The following RBPJ variants were observed in gnomAD, a reference collection of about 807,000 sequenced individuals.
RBPJ encodes recombining binding protein suppressor of hairless.
RBPJ carries 9 observed loss-of-function variants against 67.8 expected under a neutral mutation model. That is an observed-to-expected ratio of 0.13 (90% CI 0.08 to 0.23). The LOEUF is 0.23. Ranked by LOEUF, RBPJ falls within the 10% of genes least tolerant of loss-of-function variation. The pLI, the probability that RBPJ is intolerant of heterozygous loss-of-function variation, is 1.00. For missense variants in RBPJ, 305 were observed against 595.6 expected, an observed-to-expected ratio of 0.51 and a Z score of 5.08; for synonymous variants, 198 against 203.3, an observed-to-expected ratio of 0.97 and a Z score of 0.22.
chr4:26,115,271 C>T, the RBPJ span, among the ~76,000 whole-genome samples: 2 of 152,208 alleles, frequency 1.3e-5, no homozygotes, highest in Admixed American at 6.5e-5. Context: ...TCGTCATTAC[C>T]GCTGAACTGC....
At chr4:26,241,211 A>AT (rs1719626484) in intron 1 of RBPJ, among the ~76,000 whole-genome samples, 1 of 151,670 alleles carries the variant, frequency 6.6e-6, no homozygotes, top group Non-Finnish European at 1.5e-5. Context: ...AATAAAAAAA[A>AT]AAAAAAAAAA....
At chr4:26,211,845 A>G (rs1224380580) in intron 1 of RBPJ, among the ~76,000 whole-genome samples, 1 of 152,210 alleles carries the variant, frequency 6.6e-6, no homozygotes, top group Non-Finnish European at 1.5e-5. Flanking sequence ...TAATTAGTTA[A>G]GATGAGATCA....
chr4:26,289,163 G>C lies in RBPJ; in HGVS notation c.-166-73283G>C, dbSNP rs113470560. The stretch of plus-strand genomic sequence containing the variant: ...TGTAATCCCAGCACTTTGGGAGGCC[G>C]AGGTGGACAGATCACTAGAGGTCAG... On this transcript the variant is annotated intron_variant, in intron 1 of 4. Coordinates refer to the RBPJ transcript ENST00000512351. Among the ~76,000 whole-genome samples the C allele has an allele frequency of 5.4e-4, 81 of 150,352 alleles. 2 individuals are homozygous for C. Among genetic ancestry groups the C allele is most frequent in the African/African-American group, 1.9e-3 (76 of 40,846 alleles).
At chr4:26,129,578 A>G in the RBPJ span, among the ~76,000 whole-genome samples, 1 of 152,212 alleles carries the variant, frequency 6.6e-6, no homozygotes, top group Non-Finnish European at 1.5e-5. Flanking sequence ...TGAAAAACCA[A>G]TGAGTTTTTA....
chr4:26,360,241 G>T (rs563892748), intron 1 of RBPJ, among the ~76,000 whole-genome samples: 3 of 152,034 alleles, frequency 2.0e-5, no homozygotes, highest in Admixed American at 6.6e-5. Context: ...ATCATTTAGC[G>T]GTGAATGTGT....
intron 1 of RBPJ, among the ~76,000 whole-genome samples, chr4:26,359,519 T>A (rs996300084): frequency 1.3e-5 from 2 of 151,614 alleles, no homozygotes; most frequent in Non-Finnish European, 2.9e-5. Context: ...GGGTGGGGGT[T>A]CCCTTGGCAA....
chr4:26,333,592 G>A (rs1175305602), intron 1 of RBPJ, among the ~76,000 whole-genome samples: 3 of 151,856 alleles, frequency 2.0e-5, no homozygotes, highest in Non-Finnish European at 4.4e-5. Context: ...GTCTCACTCT[G>A]TTACCCAGGC....
At chr4:26,273,317 C>G (rs181386074) in intron 1 of RBPJ, among the ~76,000 whole-genome samples, 1 of 152,160 alleles carries the variant, frequency 6.6e-6, no homozygotes. Flanking sequence ...AGGAAAATGG[C>G]ATTTAGGTTT....
At chr4:26,392,591 T>TATAAAAATGC (rs1413647040) in intron 2 of RBPJ, among the ~76,000 whole-genome samples, 2 of 152,222 alleles carry the variant, frequency 1.3e-5, no homozygotes, top group Non-Finnish European at 2.9e-5. Context: ...TGATTCCACT[T>TATAAAAATGC]ACATAGAATT....
intron 1 of RBPJ, among the ~76,000 whole-genome samples, chr4:26,327,542 G>GT (rs11350013): frequency 0.035 from 3,642 of 104,944 alleles, 84 homozygotes; most frequent in Non-Finnish European, 0.048. Context: ...GACCCTGGAG[G>GT]TTTTTTTTTT....
At chr4:26,155,083 A>G in the RBPJ span, among the ~76,000 whole-genome samples, 1 of 152,238 alleles carries the variant, frequency 6.6e-6, no homozygotes, top group African/African-American at 2.4e-5. Flanking sequence ...AAAGAGGAAA[A>G]TGTAAACAAC....
intron 1 of RBPJ, among the ~76,000 whole-genome samples, chr4:26,325,815 G>A (rs1283712499): frequency 6.6e-6 from 1 of 152,134 alleles, no homozygotes; most frequent in African/African-American, 2.4e-5. Context: ...TGTATGAAAA[G>A]TAATGATCCT....
At chr4:26,151,800 C>A in the RBPJ span, among the ~76,000 whole-genome samples, 1 of 152,248 alleles carries the variant, frequency 6.6e-6, no homozygotes, top group South Asian at 2.1e-4. Flanking sequence ...GAGGCCTTGG[C>A]CTGGCCAAGA....
intron 1 of RBPJ, among the ~76,000 whole-genome samples, chr4:26,274,211 C>G (rs891284764): frequency 2.6e-5 from 4 of 152,206 alleles, no homozygotes; most frequent in Non-Finnish European, 5.9e-5. Flanking sequence ...CCCTGCATCC[C>G]GAGCACCCAC....
chr4:26,419,890 G>A (rs1244861249), intron 4 of RBPJ, among the ~76,000 whole-genome samples: 2 of 152,026 alleles, frequency 1.3e-5, no homozygotes, highest in Non-Finnish European at 2.9e-5. Flanking sequence ...ATTTTCTCTA[G>A]TACCTTTAAA....
At chr4:26,175,493 T>C (rs1187471006) in intron 1 of RBPJ, among the ~76,000 whole-genome samples, 1 of 152,194 alleles carries the variant, frequency 6.6e-6, no homozygotes, top group African/African-American at 2.4e-5. Flanking sequence ...TTCCCGCAAG[T>C]TGCAGGGAGG....
At chr4:26,375,514 A>C (rs1245630388) in intron 1 of RBPJ, among the ~76,000 whole-genome samples, 1 of 152,180 alleles carries the variant, frequency 6.6e-6, no homozygotes, top group Non-Finnish European at 1.5e-5. Context: ...AAGGAACCAG[A>C]ATCTAGGAGA....
At chr4:26,154,210 A>C in the RBPJ span, among the ~76,000 whole-genome samples, 21 of 152,196 alleles carry the variant, frequency 1.4e-4, no homozygotes, top group African/African-American at 4.6e-4. Context: ...GTTTGGAATG[A>C]TAGAGACCTG....
intron 1 of RBPJ, among the ~76,000 whole-genome samples, chr4:26,374,929 C>T (rs1363278829): frequency 6.6e-6 from 1 of 151,896 alleles, no homozygotes; most frequent in Non-Finnish European, 1.5e-5. Context: ...CTGAATTTAC[C>T]AGTATATGAA....
Sources: allele counts gnomAD v4.1 joint callset (sites outside exome capture counted in the v4.1 genomes callset), GRCh38; gene constraint gnomAD v4.1.1; transcripts MANE v1.5; gene names NCBI Gene and HGNC (gene_info 2026-07-23, HGNC 2026-07-21).